SGMS1: variants seen among roughly 807,000 people sequenced by gnomAD.
SGMS1 encodes sphingomyelin synthase 1, also known as phosphatidylcholine:ceramide cholinephosphotransferase 1.
A neutral mutation model predicts 46.2 loss-of-function variants in SGMS1; 13 were observed. The ratio of observed to expected loss-of-function variants is 0.28; its 90% confidence interval spans 0.18 to 0.45. The LOEUF (loss-of-function observed/expected upper bound fraction) is 0.45, where lower values mean the gene tolerates loss of function less well. Ranked by LOEUF, SGMS1 falls within the 20% of genes least tolerant of loss-of-function variation. SGMS1 has a pLI of 1.00. For synonymous variants in SGMS1, 203 were observed against 187.8 expected, an observed-to-expected ratio of 1.08 and a Z score of -0.66; for missense variants, 324 against 519.9, an observed-to-expected ratio of 0.62 and a Z score of 3.66.
At chr10:50,412,825 T>C (rs1198714582) in intron 6 of SGMS1, among the ~76,000 whole-genome samples, 1 of 152,208 alleles carries the variant, frequency 6.6e-6, no homozygotes, top group Non-Finnish European at 1.5e-5. Context: ...AATTCCAGAC[T>C]GATAAGAAAT....
chr10:50,461,901 T>A (rs1837270251), intron 4 of SGMS1, among the ~76,000 whole-genome samples: 1 of 152,192 alleles, frequency 6.6e-6, no homozygotes, highest in African/African-American at 2.4e-5. Flanking sequence ...TGGTGCTACA[T>A]CTGTAAATAA....
At chr10:50,440,606 C>T (rs1321507777) in intron 5 of SGMS1, among the ~76,000 whole-genome samples, 1 of 152,116 alleles carries the variant, frequency 6.6e-6, no homozygotes, top group Non-Finnish European at 1.5e-5. Flanking sequence ...TTTAGATATA[C>T]ATAAAATATT....
chr10:50,402,507 A>AAAAT, intron 6 of SGMS1, among the ~76,000 whole-genome samples: 1 of 152,210 alleles, frequency 6.6e-6, no homozygotes, highest in Non-Finnish European at 1.5e-5. Flanking sequence ...CCAAGCCAAG[A>AAAAT]AAATACTGCA....
intron 3 of SGMS1, among the ~76,000 whole-genome samples, chr10:50,511,270 C>A (rs200553694): frequency 3.6e-5 from 5 of 139,864 alleles, no homozygotes; most frequent in South Asian, 2.4e-4. Flanking sequence ...CACACACACA[C>A]ACACACACAC....
chr10:50,496,234 CT>C (rs1200613086), intron 3 of SGMS1, among the ~76,000 whole-genome samples: 1 of 152,212 alleles, frequency 6.6e-6, no homozygotes, highest in Non-Finnish European at 1.5e-5. Flanking sequence ...ATAAATAATT[CT>C]TTAATGGCTC....
chr10:50,563,732 G>A (rs181109802), intron 2 of SGMS1, among the ~76,000 whole-genome samples: 4,053 of 106,194 alleles, frequency 0.038, 90 homozygotes, highest in Non-Finnish European at 0.05. Flanking sequence ...GACAGAGCGA[G>A]ACTCCGTCTC....
intron 6 of SGMS1, among the ~76,000 whole-genome samples, chr10:50,396,459 A>C (rs1170388399): frequency 6.6e-6 from 1 of 152,198 alleles, no homozygotes; most frequent in Non-Finnish European, 1.5e-5. Flanking sequence ...AAGTGAAAAA[A>C]TTCAGGACCG....
At chr10:50,597,939 G>A (rs573908056) in intron 1 of SGMS1, among the ~76,000 whole-genome samples, 32 of 151,204 alleles carry the variant, frequency 2.1e-4, no homozygotes, top group African/African-American at 7.5e-4. Flanking sequence ...TTGAACCCAG[G>A]AAGCGGAGGT....
chr10:50,497,174 T>C (rs977248241), intron 3 of SGMS1, among the ~76,000 whole-genome samples: 5 of 152,184 alleles, frequency 3.3e-5, no homozygotes, highest in Non-Finnish European at 7.3e-5. Flanking sequence ...CACACCTCTC[T>C]TCCCCACAAT....
chr10:50,457,527 T>A (rs1837207417), intron 5 of SGMS1, among the ~76,000 whole-genome samples: 2 of 152,108 alleles, frequency 1.3e-5, no homozygotes, highest in African/African-American at 4.8e-5. Context: ...ATCACCAAGG[T>A]AGTAAGCACA....
chr10:50,447,172 AG>A (rs1379118681), intron 5 of SGMS1, among the ~76,000 whole-genome samples: 2 of 152,236 alleles, frequency 1.3e-5, no homozygotes, highest in African/African-American at 4.8e-5. Flanking sequence ...TAACAATTCA[AG>A]GGAGAGAGAC....
intron 9 of SGMS1, among the ~76,000 whole-genome samples, chr10:50,310,057 C>T (rs924555318): frequency 2.3e-4 from 35 of 152,278 alleles, no homozygotes; most frequent in Admixed American, 7.2e-4. Context: ...CCACTGGTTA[C>T]AACCCCTCAA....
At chr10:50,624,819 C>T (rs1838904970), upstream of SGMS1, 2 of 986,542 alleles carry the variant, frequency 2.0e-6, no homozygotes, top group South Asian at 4.6e-5. Context: ...GGCCGGCCCG[C>T]GCCGCACCTC....
At chr10:50,404,163 G>T (rs960706278) in intron 6 of SGMS1, among the ~76,000 whole-genome samples, 2 of 152,052 alleles carry the variant, frequency 1.3e-5, no homozygotes, top group African/African-American at 4.8e-5. Flanking sequence ...TTTACAGAAA[G>T]AAACTCACAA....
chr10:50,466,189 A>G (rs1021141886), intron 4 of SGMS1, among the ~76,000 whole-genome samples: 34 of 152,172 alleles, frequency 2.2e-4, no homozygotes, highest in African/African-American at 8.0e-4. Context: ...AGGATTGAAA[A>G]GGGCTATCTT....
At chr10:50,348,430 C>A (rs972703383) in intron 6 of SGMS1, among the ~76,000 whole-genome samples, 1 of 151,960 alleles carries the variant, frequency 6.6e-6, no homozygotes, top group Non-Finnish European at 1.5e-5. Context: ...TCATCTCAGC[C>A]CAAAAAGTCC....
chr10:50,312,861 A>C (rs926010536), intron 8 of SGMS1, among the ~76,000 whole-genome samples: 1 of 152,228 alleles, frequency 6.6e-6, no homozygotes, highest in African/African-American at 2.4e-5. Flanking sequence ...AGGACTTCAC[A>C]GTAGCTCACA....
At chr10:50,542,736 A>G (rs1442182161) in intron 2 of SGMS1, among the ~76,000 whole-genome samples, 2 of 148,144 alleles carry the variant, frequency 1.4e-5, no homozygotes, top group Non-Finnish European at 3.0e-5. Context: ...TATATTATAT[A>G]TAACAATGAT....
chr10:50,521,758 T>C (rs1215649544), intron 2 of SGMS1, among the ~76,000 whole-genome samples: 1 of 152,192 alleles, frequency 6.6e-6, no homozygotes, highest in African/African-American at 2.4e-5. Flanking sequence ...TGTAGTTTTC[T>C]GCATTCTCAG....
Sources: allele counts gnomAD v4.1 joint callset (sites outside exome capture counted in the v4.1 genomes callset), GRCh38; gene constraint gnomAD v4.1.1; transcripts MANE v1.5; gene names NCBI Gene and HGNC (gene_info 2026-07-23, HGNC 2026-07-21).